The following BICC1 variants were observed in gnomAD, a reference collection of about 807,000 sequenced individuals.
BICC1 encodes the protein BicC family RNA binding protein 1, also known as protein bicaudal C homolog 1.
A neutral mutation model predicts 111.0 loss-of-function variants in BICC1; 43 were observed. The observed-to-expected ratio is 0.39, with a 90% confidence interval of 0.30 to 0.50. The LOEUF is 0.50. Ranked by LOEUF, BICC1 falls within the 20% of genes least tolerant of loss-of-function variation. BICC1 has a pLI of 0.88. For synonymous variants in BICC1, 467 were observed against 434.4 expected, an observed-to-expected ratio of 1.07 and a Z score of -0.93; for missense variants, 1,091 against 1,203.2, an observed-to-expected ratio of 0.91 and a Z score of 1.38.
intron 2 of BICC1, among the ~76,000 whole-genome samples, chr10:58,659,334 A>T (rs979857998): frequency 1.3e-5 from 2 of 152,180 alleles, no homozygotes; most frequent in Admixed American, 6.5e-5. Context: ...ATCAACCTAA[A>T]TGTCCATCAA....
At chr10:58,818,500 G>T (rs1220840204) in intron 19 of BICC1, among the ~76,000 whole-genome samples, 5 of 152,072 alleles carry the variant, frequency 3.3e-5, no homozygotes, top group African/African-American at 1.2e-4. Flanking sequence ...GAGAACATCT[G>T]ATTTAGTCAG....
intron 3 of BICC1, among the ~76,000 whole-genome samples, chr10:58,782,231 C>T (rs547131608): frequency 1.1e-4 from 16 of 152,212 alleles, no homozygotes; most frequent in African/African-American, 3.9e-4. Flanking sequence ...TACGAGGCTC[C>T]CTGTCCCTCT....
At chr10:58,593,485 G>T (rs1349031467) in intron 1 of BICC1, among the ~76,000 whole-genome samples, 1 of 152,128 alleles carries the variant, frequency 6.6e-6, no homozygotes, top group African/African-American at 2.4e-5. Flanking sequence ...ACCTTATATA[G>T]GAGAGCTCTG....
chr10:58,541,950 G>C (rs147524054), intron 1 of BICC1, among the ~76,000 whole-genome samples: 1,525 of 152,068 alleles, frequency 0.01, 10 homozygotes, highest in Non-Finnish European at 0.016. Flanking sequence ...AGGAGTTTGA[G>C]ACCAGCCTGG....
upstream of BICC1, among the ~76,000 whole-genome samples, chr10:58,512,759 C>G (rs1466255946): frequency 6.6e-6 from 1 of 151,444 alleles, no homozygotes; most frequent in Non-Finnish European, 1.5e-5. Context: ...GCCGCCCGCC[C>G]GCCGCGGCTC....
Position 58,644,558 on chromosome 10 carries a change from A to G in BICC1, c.237+23657A>G, listed in dbSNP as rs147386686. On this transcript the variant is annotated intron_variant, in intron 2 of 20. Coordinates refer to ENST00000373886, the MANE Select transcript of BICC1 (RefSeq NM_001080512.3). The stretch of plus-strand genomic sequence containing the variant: ...TGTATCCTATACGTGCCTTGTGGCA[A>G]TTCCACAGCTGGCTCCCTTTAGGCT... Among the ~76,000 whole-genome samples the G allele has an allele frequency of 4.3e-3, 662 of 152,340 alleles. 3 individuals are homozygous for G. The highest frequency in any genetic ancestry group is 0.014 in the African/African-American group (601 of 41,570).
intron 1 of BICC1, among the ~76,000 whole-genome samples, chr10:58,515,810 T>G (rs559434077): frequency 6.6e-6 from 1 of 152,288 alleles, no homozygotes; most frequent in Non-Finnish European, 1.5e-5. Context: ...CAAGCTAACA[T>G]TTGCCCACAG....
chr10:58,566,162 G>GTGTA (rs1554806986), intron 1 of BICC1, among the ~76,000 whole-genome samples: 33 of 151,134 alleles, frequency 2.2e-4, no homozygotes, highest in East Asian at 3.9e-4. Flanking sequence ...GTGTGTGTGT[G>GTGTA]TATATATACA....
intron 3 of BICC1, among the ~76,000 whole-genome samples, chr10:58,769,404 G>GTATATATATA (rs59606054): frequency 1.5e-4 from 17 of 109,758 alleles, no homozygotes; most frequent in East Asian, 1.2e-3. Flanking sequence ...GTGTGTGTGT[G>GTATATATATA]TATATATATA....
chr10:58,760,127 G>A (rs1299093774), intron 3 of BICC1, among the ~76,000 whole-genome samples: 3 of 152,250 alleles, frequency 2.0e-5, no homozygotes, highest in Non-Finnish European at 4.4e-5. Context: ...TAATTCCACT[G>A]TGAATTTGTA....
intron 1 of BICC1, among the ~76,000 whole-genome samples, chr10:58,596,450 A>G (rs903121575): frequency 3.3e-5 from 5 of 152,216 alleles, no homozygotes; most frequent in South Asian, 4.1e-4. Flanking sequence ...CCCACAGCCA[A>G]TATCATAGTA....
At chr10:58,651,962 G>A (rs1321925574) in intron 2 of BICC1, among the ~76,000 whole-genome samples, 1 of 152,028 alleles carries the variant, frequency 6.6e-6, no homozygotes, top group African/African-American at 2.4e-5. Flanking sequence ...GACCTTGTTG[G>A]TATTAAAATT....
At chr10:58,624,752 C>G (rs984241036) in intron 2 of BICC1, among the ~76,000 whole-genome samples, 3 of 152,190 alleles carry the variant, frequency 2.0e-5, no homozygotes, top group Admixed American at 2.0e-4. Flanking sequence ...CGCCACCACG[C>G]CCAGTTAATT....
chr10:58,623,579 T>G (rs55877900), intron 2 of BICC1, among the ~76,000 whole-genome samples: 3,067 of 152,334 alleles, frequency 0.02, 97 homozygotes, highest in African/African-American at 0.071. Context: ...TTCGTTGTCC[T>G]CTTATGTAAC....
chr10:58,579,110 G>A (rs1844193645), intron 1 of BICC1, among the ~76,000 whole-genome samples: 1 of 152,036 alleles, frequency 6.6e-6, no homozygotes, highest in South Asian at 2.1e-4. Context: ...AATACCACTG[G>A]TGGTCAGCCC....
intron 1 of BICC1, among the ~76,000 whole-genome samples, chr10:58,612,909 G>C (rs1028655662): frequency 1.3e-5 from 2 of 152,142 alleles, no homozygotes; most frequent in Non-Finnish European, 2.9e-5. Flanking sequence ...TTAAAGTCAA[G>C]CTACCCCCCT....
chr10:58,799,149 C>G lies in BICC1; in HGVS notation c.1622C>G (p.Thr541Arg), dbSNP rs200961913. Residue 541 changes from threonine to arginine, a missense_variant, in exon 12 of 21, where the codon ACA becomes AGA. Around this residue, in one of 3 missense-constraint regions of BICC1, gnomAD observed 843 missense variants for 900.8 expected, o/e 0.94. Transcript: ENST00000373886. The part of the protein sequence containing the change: ...LLSGVPTYGH[T>R]APSPPPGLTP... The stretch of plus-strand genomic sequence containing the variant: ...TCTGGAGTGCCCACCTATGGGCACA[C>G]AGCTCCATCTCCCCCTCCTGGCTTG... 3.2e-4 allele frequency: 517 copies of G among 1,613,754 alleles called. No homozygotes were observed. Among genetic ancestry groups the G allele is most frequent in the Non-Finnish European group, 4.2e-4 (500 of 1,179,854 alleles).
intron 1 of BICC1, among the ~76,000 whole-genome samples, chr10:58,602,316 ATC>A (rs1346476513): frequency 1.3e-5 from 2 of 152,222 alleles, no homozygotes; most frequent in African/African-American, 4.8e-5. Context: ...ATGTGTTTGC[ATC>A]ATAAATGTAC....
At chr10:58,549,788 C>T (rs931234853) in intron 1 of BICC1, among the ~76,000 whole-genome samples, 4 of 151,188 alleles carry the variant, frequency 2.6e-5, no homozygotes, top group Non-Finnish European at 5.9e-5. Context: ...TGAGTTCAAG[C>T]GATTCTCCTG....
Sources: gnomAD v4.1 joint callset for allele counts (sites outside exome capture counted in the v4.1 genomes callset) on GRCh38, gnomAD v4.1.1 for gene constraint, gnomAD v4.1.1 regional missense constraint, MANE v1.5 for transcripts, NCBI Gene and HGNC (gene_info 2026-07-23, HGNC 2026-07-21) for gene names.